Variants in ADGRV1 observed in about 807,000 individuals in gnomAD.
The protein encoded by ADGRV1 is adhesion G protein-coupled receptor V1.
ADGRV1 carries 359 observed loss-of-function variants against 596.2 expected under a neutral mutation model. The observed-to-expected ratio is 0.60, with a 90% CI of 0.55 to 0.66. The LOEUF (loss-of-function observed/expected upper bound fraction) is 0.66, where lower values mean the gene tolerates loss of function less well. Among genes scored for constraint, ADGRV1 ranks in the 30% least tolerant of loss-of-function variants. The pLI is 0.00. For missense variants in ADGRV1, 7,274 were observed against 7,575.6 expected, an observed-to-expected ratio of 0.96 and a Z score of 1.48; for synonymous variants, 2,681 against 2,679.2, an observed-to-expected ratio of 1.00 and a Z score of -0.02.
At chr5:90,580,288 C>T (rs538779105) in intron 1 of ADGRV1, among the ~76,000 whole-genome samples, 14 of 152,240 alleles carry the variant, frequency 9.2e-5, no homozygotes, top group African/African-American at 3.4e-4. Flanking sequence ...ACTTCAGGAG[C>T]TCTTGTAAGG....
intron 1 of ADGRV1, among the ~76,000 whole-genome samples, chr5:90,612,879 G>T (rs1762882987): frequency 6.6e-6 from 1 of 152,024 alleles, no homozygotes; most frequent in Admixed American, 6.6e-5. Context: ...CACACTCTAG[G>T]ACAGTAATTC....
At chr5:90,943,560 TG>T (rs1383992011) in intron 83 of ADGRV1, among the ~76,000 whole-genome samples, 1 of 152,116 alleles carries the variant, frequency 6.6e-6, no homozygotes, top group Non-Finnish European at 1.5e-5. Context: ...CCATCTAAAG[TG>T]GAGCTTCTAT....
chr5:90,929,486 C>A (rs371503128), intron 83 of ADGRV1: 1 of 152,256 alleles, frequency 6.6e-6, no homozygotes, highest in Admixed American at 6.5e-5. Flanking sequence ...CGCCCTGCTT[C>A]GGCTCGCGCA....
intron 45 of ADGRV1, among the ~76,000 whole-genome samples, chr5:90,721,528 A>AT (rs1750966008): frequency 1.2e-3 from 14 of 11,962 alleles, no homozygotes; most frequent in South Asian, 1.8e-3. Context: ...ATAAAATAAA[A>AT]ATAAAAATAA....
At chr5:91,042,279 G>C (rs549780600) in intron 85 of ADGRV1, among the ~76,000 whole-genome samples, 5 of 152,244 alleles carry the variant, frequency 3.3e-5, no homozygotes, top group Admixed American at 3.3e-4. Context: ...CACCAGCAAT[G>C]GTAATGAATT....
chr5:90,876,280 G>A (rs771947691), intron 83 of ADGRV1, among the ~76,000 whole-genome samples: 2 of 152,170 alleles, frequency 1.3e-5, no homozygotes, highest in Non-Finnish European at 2.9e-5. Flanking sequence ...TAAGGAGCAT[G>A]GTTTTGTACC....
At chr5:91,036,850 T>C (rs190642101) in intron 85 of ADGRV1, among the ~76,000 whole-genome samples, 1 of 152,326 alleles carries the variant, frequency 6.6e-6, no homozygotes, top group Non-Finnish European at 1.5e-5. Flanking sequence ...CTTAAGAGTT[T>C]CTGGCAGGAA....
chr5:90,748,936 C>T (rs1456400642), intron 52 of ADGRV1, among the ~76,000 whole-genome samples: 1 of 151,558 alleles, frequency 6.6e-6, no homozygotes, highest in Non-Finnish European at 1.5e-5. Flanking sequence ...TAGGATGAAC[C>T]TGTCATTCTG....
At chr5:90,821,871 T>G (rs1763555562) in intron 75 of ADGRV1, among the ~76,000 whole-genome samples, 2 of 152,122 alleles carry the variant, frequency 1.3e-5, no homozygotes, top group African/African-American at 4.8e-5. Flanking sequence ...GTCTTTTTGT[T>G]TGTCTGTGCC....
intron 53 of ADGRV1, among the ~76,000 whole-genome samples, chr5:90,751,636 T>A: frequency 6.6e-6 from 1 of 152,198 alleles, no homozygotes; most frequent in East Asian, 1.9e-4. Flanking sequence ...GTTGTCTTCT[T>A]GGCTTGCCTT....
At chr5:90,789,883 C>A in intron 69 of ADGRV1, 32 bp downstream of exon 69, 1 of 1,319,088 alleles carries the variant, frequency 7.6e-7, no homozygotes, top group Admixed American at 3.4e-5. Context: ...TTCAAAGTAC[C>A]AGTTTGCCTA....
rs1391470967 is a variant in ADGRV1 at position 90,640,436 on chromosome 5, TA to T, written c.2241-2197del. 7.2e-5 allele frequency among the ~76,000 whole-genome samples: 11 copies of T among 152,284 alleles called. No individual in the cohort carries two copies. In the South Asian group the frequency reaches 2.3e-3, roughly 32 times the overall value. ...GAGACTAAAGGTTTTTATTTTTTTT[TA>T]AATCTAATTAAAGCTACTAAGTAAT... On this transcript the variant is annotated intron_variant, in intron 11 of 89. Transcript: ENST00000405460.
chr5:91,039,933 T>A (rs1226803065), intron 85 of ADGRV1, among the ~76,000 whole-genome samples: 2 of 152,108 alleles, frequency 1.3e-5, no homozygotes, highest in Admixed American at 6.6e-5. Flanking sequence ...GATCTTTGTA[T>A]CTGAGGTGGA....
intron 26 of ADGRV1, 93 bp downstream of exon 26, chr5:90,679,722 A>G (rs561857520): frequency 9.5e-6 from 7 of 738,172 alleles, no homozygotes; most frequent in African/African-American, 7.1e-5. Context: ...GACACCTACT[A>G]TGTGTAGGTC....
chr5:90,769,873 A>G (rs1757509674), intron 59 of ADGRV1, among the ~76,000 whole-genome samples: 1 of 152,174 alleles, frequency 6.6e-6, no homozygotes, highest in African/African-American at 2.4e-5. Flanking sequence ...CATCATTCCC[A>G]TTCCTTTTAC....
At chr5:90,709,543 T>C (rs945815091) in intron 39 of ADGRV1, among the ~76,000 whole-genome samples, 3 of 152,138 alleles carry the variant, frequency 2.0e-5, no homozygotes, top group Non-Finnish European at 4.4e-5. Context: ...TGGTGCTGAG[T>C]TGGTTAGAAG....
intron 1 of ADGRV1, among the ~76,000 whole-genome samples, chr5:90,602,419 T>A (rs6452897): frequency 0.061 from 9,265 of 152,200 alleles, 940 homozygotes; most frequent in African/African-American, 0.21. Flanking sequence ...GTAACCAAGC[T>A]CGACACCAAT....
intron 85 of ADGRV1, among the ~76,000 whole-genome samples, chr5:91,034,266 T>A (rs1346953343): frequency 6.6e-6 from 1 of 152,182 alleles, no homozygotes; most frequent in African/African-American, 2.4e-5. Context: ...GCATTACATT[T>A]AATTTTAATA....
At chr5:90,707,328 AGGATAGG>A (rs1173977909) in intron 38 of ADGRV1, among the ~76,000 whole-genome samples, 7 of 152,190 alleles carry the variant, frequency 4.6e-5, no homozygotes, top group Middle Eastern at 3.2e-3. Context: ...GATAGTGTGT[AGGATAGG>A]GGAAGGGAAA....
Sources: allele counts gnomAD v4.1 joint callset (sites outside exome capture counted in the v4.1 genomes callset), GRCh38; gene constraint gnomAD v4.1.1; transcripts MANE v1.5; gene names NCBI Gene and HGNC (gene_info 2026-07-23, HGNC 2026-07-21).